WWP1: variants seen among roughly 807,000 people sequenced by gnomAD.
WWP1 encodes WW domain containing E3 ubiquitin protein ligase 1, also known as NEDD4-like E3 ubiquitin-protein ligase WWP1.
In WWP1, 49 loss-of-function variants were observed where a neutral mutation model predicts 130.6. The ratio of observed to expected loss-of-function variants is 0.38; its 90% CI spans 0.30 to 0.48. WWP1 has a LOEUF of 0.48. WWP1 is among the 20% of genes least tolerant of loss of function. The pLI is 0.99. For synonymous variants in WWP1, 332 were observed against 367.8 expected, an observed-to-expected ratio of 0.90 and a Z score of 1.11; for missense variants, 809 against 1,100.6, an observed-to-expected ratio of 0.74 and a Z score of 3.75.
intron 3 of WWP1, among the ~76,000 whole-genome samples, chr8:86,378,490 G>C (rs774103986): frequency 4.6e-5 from 7 of 151,956 alleles, no homozygotes; most frequent in Non-Finnish European, 7.4e-5. Context: ...CTCATTTTCT[G>C]ATAGTTTAAA....
chr8:86,434,209 A>C (rs1176712836), intron 14 of WWP1, among the ~76,000 whole-genome samples: 4 of 152,230 alleles, frequency 2.6e-5, no homozygotes, highest in Non-Finnish European at 2.9e-5. Flanking sequence ...ATTTATTTGC[A>C]CAAAACCCTT....
At chr8:86,347,622 G>A (rs1254172346) in intron 1 of WWP1, among the ~76,000 whole-genome samples, 1 of 152,178 alleles carries the variant, frequency 6.6e-6, no homozygotes, top group Non-Finnish European at 1.5e-5. Context: ...AAATTTGTAA[G>A]CATTGTACCA....
chr8:86,411,896 C>G, intron 9 of WWP1, 22 bp downstream of exon 9: 1 of 1,564,158 alleles, frequency 6.4e-7, no homozygotes, highest in Non-Finnish European at 8.7e-7. Context: ...TTTTTAATGT[C>G]TGACTTGCAT....
At chr8:86,435,338 G>C in intron 14 of WWP1, 114 bp from the exon 15 acceptor site, 12 of 1,100,506 alleles carry the variant, frequency 1.1e-5, no homozygotes, top group Non-Finnish European at 1.6e-5. Flanking sequence ...TTCTCTCCCA[G>C]CAGAAATCTT....
At chr8:86,407,744 A>G (rs911376463) in intron 8 of WWP1, among the ~76,000 whole-genome samples, 1 of 152,112 alleles carries the variant, frequency 6.6e-6, no homozygotes, top group Non-Finnish European at 1.5e-5. Context: ...TAGACTTTAT[A>G]TTTTAGAACA....
chr8:86,362,145 G>A (rs1471761485), intron 1 of WWP1, among the ~76,000 whole-genome samples: 17 of 52,170 alleles, frequency 3.3e-4, no homozygotes, highest in Middle Eastern at 0.01. Context: ...TATATACTAG[G>A]CATATATATA....
intron 17 of WWP1, among the ~76,000 whole-genome samples, chr8:86,441,716 ATTC>A (rs1490650880): frequency 1.3e-5 from 2 of 152,210 alleles, no homozygotes; most frequent in African/African-American, 2.4e-5. Flanking sequence ...ATGCCTAGAA[ATTC>A]TTCTTCCTTA....
chr8:86,461,259 A>G lies in WWP1; in HGVS notation c.2535A>G (p.Arg845=). Residue 845 remains arginine (R), a synonymous_variant, in exon 23 of 25, where the codon CGA becomes CGG. Transcript: ENST00000517970. ...AGACAGACAATGAAGTAAGAATGCG[A>G]CTATTGCAGTTCGTCACTGGAACCT... The part of the protein sequence containing the change: ...VKETDNEVRM[R]LLQFVTGTCR... The G allele has an allele frequency of 6.2e-7, 1 of 1,614,194 alleles. No individual in the cohort carries two copies. The highest frequency in any genetic ancestry group is 8.5e-7 in the Non-Finnish European group (1 of 1,180,026).
At chr8:86,425,022 AAG>A (rs1809536314) in intron 9 of WWP1, among the ~76,000 whole-genome samples, 199 bp from the exon 10 acceptor site, 1 of 151,948 alleles carries the variant, frequency 6.6e-6, no homozygotes, top group Non-Finnish European at 1.5e-5. Flanking sequence ...GGGAATAATT[AAG>A]AGGTTAAAAA....
At chr8:86,402,287 T>C (rs111877663) in intron 8 of WWP1, 84 bp downstream of exon 8, 32,216 of 1,454,556 alleles carry the variant, frequency 0.022, 405 homozygotes, top group Non-Finnish European at 0.026. Context: ...CTTCCCTTTT[T>C]GTGTAGTCTT....
intron 21 of WWP1, among the ~76,000 whole-genome samples, chr8:86,457,587 G>GTGTGCGTGTGTAT (rs1284529105): frequency 1.3e-5 from 2 of 151,624 alleles, no homozygotes; most frequent in Non-Finnish European, 2.9e-5. Context: ...ATATAGATGT[G>GTGTGCGTGTGTAT]TGTGCGTGTG....
chr8:86,344,079 T>C (rs1467669357), intron 1 of WWP1, among the ~76,000 whole-genome samples: 1 of 152,226 alleles, frequency 6.6e-6, no homozygotes, highest in Non-Finnish European at 1.5e-5. Context: ...GTTCTTTTAT[T>C]GTGTGACTTG....
chr8:86,376,531 T>C (rs979367214), intron 3 of WWP1, among the ~76,000 whole-genome samples: 5 of 151,874 alleles, frequency 3.3e-5, no homozygotes, highest in African/African-American at 1.2e-4. Flanking sequence ...ATGGCGTCAC[T>C]GCATTCCAGC....
At chr8:86,356,449 A>AT (rs930694055) in intron 1 of WWP1, among the ~76,000 whole-genome samples, 23 of 149,624 alleles carry the variant, frequency 1.5e-4, no homozygotes, top group South Asian at 1.0e-3. Context: ...TTATATATAT[A>AT]TTTTTTTTTA....
At chr8:86,386,711 T>G (rs1825308178) in intron 5 of WWP1, 1 of 152,174 alleles carries the variant, frequency 6.6e-6, no homozygotes, top group Non-Finnish European at 1.5e-5. Flanking sequence ...TGAAGAAACT[T>G]TGAGTATCAT....
intron 1 of WWP1, among the ~76,000 whole-genome samples, chr8:86,356,486 A>G (rs1161256287): frequency 1.3e-5 from 2 of 151,310 alleles, no homozygotes; most frequent in Non-Finnish European, 2.9e-5. Context: ...ATTTGGTATA[A>G]TATGCAAACA....
intron 1 of WWP1, among the ~76,000 whole-genome samples, chr8:86,364,534 C>T (rs1478409896): frequency 6.6e-6 from 1 of 152,012 alleles, no homozygotes. Context: ...AGGAATAAAT[C>T]TTTAAAAATA....
chr8:86,468,367 G>A lies in WWP1; in HGVS notation c.*1474G>A, dbSNP rs921131260. ...ACGAAAGAAAGGCAGAGATCTGCTT[G>A]GTTGAATAGACTCCTTTTCCAAATC... is the stretch of plus-strand genomic sequence containing the variant. On this transcript the variant is annotated 3_prime_UTR_variant, in exon 25 of 25. Transcript: ENST00000517970. 1 of 453,512 alleles carries A rather than the reference G, an allele frequency of 2.2e-6. No individual in the cohort carries two copies. Among genetic ancestry groups the A allele is most frequent in the Non-Finnish European group, 4.4e-6 (1 of 226,430 alleles). 28.1% of individuals were successfully genotyped at this position (453,512 alleles called of 1,614,324 possible). A position where few individuals can be genotyped will look rare whatever the true frequency, so the allele number is the denominator to read the frequency against.
chr8:86,436,909 C>T (rs943282006), intron 16 of WWP1, among the ~76,000 whole-genome samples: 4 of 151,342 alleles, frequency 2.6e-5, no homozygotes, highest in Non-Finnish European at 4.4e-5. Flanking sequence ...CTTAATTTTA[C>T]GATTGGACTT....
Sources: gnomAD v4.1 joint callset for allele counts (sites outside exome capture counted in the v4.1 genomes callset) on GRCh38, gnomAD v4.1.1 for gene constraint, MANE v1.5 for transcripts, NCBI Gene and HGNC (gene_info 2026-07-23, HGNC 2026-07-21) for gene names.